Variants in CSPG4 observed in about 807,000 individuals in gnomAD.
CSPG4 encodes the protein chondroitin sulfate proteoglycan 4 (melanoma-associated).
In CSPG4, 74 loss-of-function variants were observed where a neutral mutation model predicts 139.3. The observed-to-expected ratio is 0.53, with a 90% CI of 0.44 to 0.64. The LOEUF is 0.64. Among genes scored for constraint, CSPG4 ranks in the 30% least tolerant of loss-of-function variants. The probability of loss-of-function intolerance (pLI) is 0.00; values close to 1 mark genes in which losing one functional copy is unlikely to be tolerated. For missense variants in CSPG4, 2,565 were observed against 3,148.3 expected (o/e 0.81, Z 4.43); for synonymous variants, 1,234 against 1,394.2 (o/e 0.89, Z 2.56).
At chr15:75,679,632 T>G (rs560792287) in intron 8 of CSPG4, 13 of 152,336 alleles carry the variant, frequency 8.5e-5, no homozygotes, top group African/African-American at 2.9e-4. Context: ...AAAAACGGTT[T>G]TCTCCACCTC....
At chr15:75,701,377 C>T (rs1894299282) in intron 1 of CSPG4, among the ~76,000 whole-genome samples, 1 of 152,200 alleles carries the variant, frequency 6.6e-6, no homozygotes, top group Non-Finnish European at 1.5e-5. Context: ...ACAGCAAGTC[C>T]CAGCACTGGT....
chr15:75,678,028 T>A, intron 8 of CSPG4, 142 bp from the exon 9 acceptor site: 1 of 712,254 alleles, frequency 1.4e-6, no homozygotes, highest in Non-Finnish European at 2.2e-6. Flanking sequence ...TCTCCCTCAC[T>A]AACTCACTGG....
In CSPG4 at chr15:75,690,698, A is replaced by G. The variant is rs1894153680; in HGVS notation, c.367T>C (p.Leu123=). ...GCGTTCAGAAACCCATCGACTGACA[A>G]CGTGGCCCAGCCCTCTACGACAGTC... ...VLTVVEGWAT[L]SVDGFLNASS... is the part of the protein sequence containing the mutation. Residue 123 remains leucine, a synonymous_variant, in exon 3 of 10, where the codon TTG becomes CTG. Transcript: ENST00000308508. 6.2e-7 allele frequency: 1 copy of G among 1,613,068 alleles called. No homozygotes were observed. Among genetic ancestry groups the G allele is most frequent in the Non-Finnish European group, 8.5e-7 (1 of 1,180,024 alleles).
intron 8 of CSPG4, chr15:75,678,950 TG>T (rs1465003774): frequency 5.5e-6 from 2 of 360,432 alleles, no homozygotes; most frequent in Non-Finnish European, 1.1e-5. Context: ...TACTTCACTC[TG>T]GGGTTCCTCC....
At position 75,675,974 on chromosome 15, in the gene CSPG4, G is replaced by A. The variant is rs757517944; in HGVS notation, c.6545C>T (p.Ala2182Val). 6.3e-7 allele frequency: 1 copy of A among 1,579,252 alleles called. No individual in the cohort carries two copies. Among genetic ancestry groups the A allele is most frequent in the Non-Finnish European group, 8.6e-7 (1 of 1,167,260 alleles). ...CTCTGGCTTCCCTGCTTCCGTCCGGGCGGCCTCGGGGACACTGAGCAGGGC... is the reference window on the plus strand; with the variant it reads ...CTCTGGCTTCCCTGCTTCCGTCCGGACGGCCTCGGGGACACTGAGCAGGGC... Reference protein sequence around the residue: ...SVALLSVPEAARTEAGKPESS... With the variant: ...SVALLSVPEAVRTEAGKPESS... Residue 2182 changes from alanine to valine, a missense_variant, in exon 10 of 10, where the codon GCC (alanine) becomes GTC (valine). Coordinates refer to ENST00000308508, the MANE Select transcript of CSPG4 (RefSeq NM_001897.5).
At position 75,689,882 on chromosome 15, in the gene CSPG4, A is replaced by G. The variant is rs775792998; in HGVS notation, c.1183T>C (p.Tyr395His). 3.1e-6 allele frequency: 5 copies of G among 1,612,132 alleles called. No homozygotes were observed. In the Admixed American group the frequency reaches 6.7e-5, roughly 22 times the overall value. Residue 395 changes from tyrosine to histidine, a missense_variant, in exon 3 of 10, where the codon TAT becomes CAT. Tyr to His is a moderately conservative substitution (Grantham distance 83, BLOSUM62 2). Transcript: ENST00000308508. ...EEYEDDAYGH[Y>H]EAFSTLAPEA... ...GGGGCCAGGGTGGAGAAAGCTTCATAATGTCCATAGGCATCGTCCTCATAC... is the reference window on the plus strand; with the variant it reads ...GGGGCCAGGGTGGAGAAAGCTTCATGATGTCCATAGGCATCGTCCTCATAC...
rs376115141 is a variant in CSPG4, at chr15:75,675,390, C to T, written c.*160G>A. 1.5e-4 allele frequency: 108 copies of T among 743,044 alleles called. 1 individual carries two copies. Among genetic ancestry groups the T allele is most frequent in the African/African-American group, 1.4e-3 (77 of 55,102 alleles). The allele number at this position is 743,044 out of a possible 1,614,324, so 46.0% of individuals were successfully genotyped here. On this transcript the variant is annotated 3_prime_UTR_variant, in exon 10 of 10. Coordinates refer to ENST00000308508, the MANE Select transcript of CSPG4 (RefSeq NM_001897.5). ...TCCAGCTCTTGACTCCACTCTGTCC[C>T]GGACCCCTGGGACTATCTCCCAGGA...
At position 75,676,264 on chromosome 15, in the gene CSPG4, G is replaced by C. The variant is rs375143693; in HGVS notation, c.6255C>G (p.Leu2085=). 6.4e-7 allele frequency: 1 copy of C among 1,572,934 alleles called. No individual in the cohort carries two copies. Residue 2085 remains leucine (L), a synonymous_variant, in exon 10 of 10, where the codon CTC becomes CTG. Coordinates refer to ENST00000308508, the MANE Select transcript of CSPG4 (RefSeq NM_001897.5). ...CGCGGCCATGCCGGGGTCCCTCCAG[G>C]AGGCGGAAGCGCGGCACACTGCCTG... ...NRTGSVPRFR[L]LEGPRHGRVV...
Position 75,699,802 on chromosome 15 carries a change from G to A in CSPG4, c.89-6569C>T, listed in dbSNP as rs906380786. On this transcript the variant is annotated intron_variant, in intron 1 of 9. Transcript: ENST00000308508. ...CTCAGGCGAGGAGGGTGGGGTGGCT[G>A]CGGTGGGGAGCGGTTCCAAGAGGCT... is the stretch of plus-strand genomic sequence containing the variant. 5.3e-5 allele frequency among the ~76,000 whole-genome samples: 8 copies of A among 152,156 alleles called. 1 individual carries two copies. The highest frequency in any genetic ancestry group is 1.9e-4 in the African/African-American group (8 of 41,428).
chr15:75,707,265 T>A (rs1198735409), intron 1 of CSPG4, among the ~76,000 whole-genome samples: 1 of 152,132 alleles, frequency 6.6e-6, no homozygotes, highest in African/African-American at 2.4e-5. Context: ...CCTCCACACA[T>A]AAGAACTTAA....
Position 75,698,747 on chromosome 15 carries a change from G to A in CSPG4, c.89-5514C>T, listed in dbSNP as rs1404500717. On this transcript the variant is annotated intron_variant, in intron 1 of 9. Coordinates refer to ENST00000308508, the MANE Select transcript of CSPG4 (RefSeq NM_001897.5). The surrounding 1 kb of genome is among the most constrained non-coding windows in gnomAD (Gnocchi z 4.3). ...CTGTCTGGTGTGCCTACTCAGGGGT[G>A]AGCCCCTCTCAAACCTCCTCCCAGC... 1.3e-5 allele frequency among the ~76,000 whole-genome samples: 2 copies of A among 152,094 alleles called. No homozygotes were observed. Among genetic ancestry groups the A allele is most frequent in the African/African-American group, 4.8e-5 (2 of 41,424 alleles).
rs758250572 is a variant in CSPG4 at position 75,687,321 on chromosome 15, G to A, written c.3744C>T (p.Tyr1248=). 20 of 1,612,040 alleles carry A rather than the reference G, an allele frequency of 1.2e-5. No individual in the cohort carries two copies. The highest frequency in any genetic ancestry group is 8.3e-5 in the Admixed American group (5 of 59,996). Residue 1248 remains tyrosine (Y), a synonymous_variant, in exon 3 of 10, where the codon TAC becomes TAT. Transcript: ENST00000308508. The surrounding 1 kb of genome is among the most constrained non-coding windows in gnomAD (Gnocchi z 5.4). ...PLKLVRHKKI[Y]VFQGEAAEIR... is the part of the protein sequence containing the mutation. The stretch of plus-strand genomic sequence containing the variant: ...TCTCAGCTGCCTCTCCCTGGAAGAC[G>A]TAGATCTTCTTGTGCCGGACCAGCT...
In CSPG4 at chr15:75,689,551, C is replaced by T. The variant is rs749821741; in HGVS notation, c.1514G>A (p.Arg505His). ...GTCCTCAGAGCCATCGTGGATGAAGCGGGCCTTGCGGTTCACCACGTCCAG... is the reference window on the plus strand; with the variant it reads ...GTCCTCAGAGCCATCGTGGATGAAGTGGGCCTTGCGGTTCACCACGTCCAG... ...TLLDVVNRKARFIHDGSEDTS... is the reference protein window; with the variant it reads ...TLLDVVNRKAHFIHDGSEDTS... The change falls in exon 3 of 10, where the codon CGC (arginine) becomes CAC (histidine). Residue 505 changes from arginine to histidine, a missense_variant. Physicochemically the swap from Arg to His is conservative, Grantham distance 29 (BLOSUM62 0). Coordinates refer to ENST00000308508, the MANE Select transcript of CSPG4 (RefSeq NM_001897.5). The T allele has an allele frequency of 7.8e-5, 126 of 1,612,584 alleles. No individual in the cohort carries two copies. The highest frequency in any genetic ancestry group is 1.0e-4 in the Non-Finnish European group (119 of 1,179,798).
In CSPG4 at chr15:75,687,047, G is replaced by A. The variant is rs1375302618; in HGVS notation, c.3789+229C>T. On this transcript the variant is annotated intron_variant, in intron 3 of 9. Coordinates refer to ENST00000308508, the MANE Select transcript of CSPG4 (RefSeq NM_001897.5). This position sits in a 1 kb window ranked among gnomAD's most constrained non-coding sequence, Gnocchi z 5.4. ...GCTCAGCCATGTCATACACATGAGT[G>A]GACACAACCTCTGGAGGCGCACACA... is the stretch of plus-strand genomic sequence containing the variant. 6.6e-6 allele frequency among the ~76,000 whole-genome samples: 1 copy of A among 151,766 alleles called. No individual in the cohort carries two copies. Among genetic ancestry groups the A allele is most frequent in the Non-Finnish European group, 1.5e-5 (1 of 67,868 alleles).
intron 1 of CSPG4, among the ~76,000 whole-genome samples, chr15:75,695,610 C>T (rs1384225070): frequency 6.6e-6 from 1 of 152,198 alleles, no homozygotes; most frequent in Non-Finnish European, 1.5e-5. Flanking sequence ...GCCCCTCTTA[C>T]ACTCTCTGAG....
In CSPG4 at chr15:75,688,294, A is replaced by G; in HGVS notation, c.2771T>C (p.Val924Ala). 6.2e-7 allele frequency: 1 copy of G among 1,613,090 alleles called. No homozygotes were observed. The highest frequency in any genetic ancestry group is 2.2e-5 in the East Asian group (1 of 44,882). Residue 924 changes from valine to alanine, a missense_variant, in exon 3 of 10, where the codon GTC (valine) becomes GCC (alanine). Around this residue, in one of 5 missense-constraint regions of CSPG4, gnomAD observed 2,316 missense variants for 2,818.2 expected, o/e 0.82. Transcript: ENST00000308508. Reference protein sequence around the residue: ...EGVLSADHLFVKSLNSASYLY... With the variant: ...EGVLSADHLFAKSLNSASYLY... ...GTAGCTGGCACTGTTGAGACTCTTG[A>G]CAAAGAGGTGGTCAGCAGAGAGGAC...
At chr15:75,697,800 C>T (rs1894247532) in intron 1 of CSPG4, among the ~76,000 whole-genome samples, 1 of 152,152 alleles carries the variant, frequency 6.6e-6, no homozygotes, top group Non-Finnish European at 1.5e-5. Flanking sequence ...GGGGGAGGGA[C>T]ACCCAGTGCC....
chr15:75,677,401 G>A lies in CSPG4; in HGVS notation c.5135-17C>T, dbSNP rs1893909898. On this transcript the variant is annotated splice_polypyrimidine_tract_variant and intron_variant, in intron 9 of 9. Transcript: ENST00000308508. ...CCCAGAGACCTGGGGGTGGGACATA[G>A]GCTATGAGGGTCCAGCCCACTGAGG... 5.7e-6 allele frequency: 8 copies of A among 1,413,262 alleles called. No individual in the cohort carries two copies. Among genetic ancestry groups the A allele is most frequent in the Non-Finnish European group, 7.4e-6 (8 of 1,082,118 alleles). 87.5% of individuals were successfully genotyped at this position (1,413,262 alleles called of 1,614,324 possible). A position where few individuals can be genotyped will look rare whatever the true frequency, so the allele number is the denominator to read the frequency against.
chr15:75,678,160 G>C (rs1893920728), intron 8 of CSPG4, among the ~76,000 whole-genome samples: 1 of 152,190 alleles, frequency 6.6e-6, no homozygotes, highest in Admixed American at 6.5e-5. Flanking sequence ...GCAATGATCT[G>C]TCTGTGCTGC....
Sources: allele counts gnomAD v4.1 joint callset (sites outside exome capture counted in the v4.1 genomes callset), GRCh38; gene constraint gnomAD v4.1.1; regional missense constraint gnomAD v4.1.1; non-coding constraint Gnocchi (gnomAD v3.1); transcripts MANE v1.5; gene names NCBI Gene and HGNC (gene_info 2026-07-23, HGNC 2026-07-21).